BCAS3: variants seen among roughly 807,000 people sequenced by gnomAD.
BCAS3 encodes the protein BCAS4/BCAS3 fusion.
In BCAS3, 53 loss-of-function variants were observed where a neutral mutation model predicts 116.1. The observed-to-expected ratio is 0.46, with a 90% confidence interval of 0.37 to 0.57. BCAS3 has a LOEUF of 0.57. BCAS3 is among the 20% of genes least tolerant of loss of function. The probability of loss-of-function intolerance (pLI) is 0.00; values close to 1 mark genes in which losing one functional copy is unlikely to be tolerated. For synonymous variants in BCAS3, 391 were observed against 408.2 expected (o/e 0.96, Z 0.51); for missense variants, 917 against 1,165.4 (o/e 0.79, Z 3.10).
chr17:61,018,529 T>A (rs2065643839), intron 16 of BCAS3, among the ~76,000 whole-genome samples: 3 of 152,078 alleles, frequency 2.0e-5, no homozygotes, highest in African/African-American at 7.2e-5. Flanking sequence ...CTTGAATTCC[T>A]GACCTCAAGT....
rs1173944253 is a variant in BCAS3 at position 61,325,665 on chromosome 17, G to A, written c.2426-42662G>A. On this transcript the variant is annotated intron_variant, in intron 22 of 23. Coordinates refer to ENST00000407086, the MANE Select transcript of BCAS3 (RefSeq NM_017679.5). This position sits in a 1 kb window ranked among gnomAD's most constrained non-coding sequence, Gnocchi z 6.4. ...TAAAATCTTAAAGTGACAGGGCCCC[G>A]TTTTCAAAGAATAACTGGCTGGCTT... Among the ~76,000 whole-genome samples the A allele has an allele frequency of 6.6e-6, 1 of 152,238 alleles. No homozygotes were observed. Among genetic ancestry groups the A allele is most frequent in the Non-Finnish European group, 1.5e-5 (1 of 68,046 alleles).
intron 19 of BCAS3, among the ~76,000 whole-genome samples, chr17:61,058,826 C>T (rs997201434): frequency 1.3e-5 from 2 of 152,062 alleles, no homozygotes; most frequent in Admixed American, 1.3e-4. Flanking sequence ...GACTCTCAAT[C>T]AATGATATAA....
intron 22 of BCAS3, among the ~76,000 whole-genome samples, chr17:61,230,434 T>G (rs2082609776): frequency 6.6e-6 from 1 of 151,978 alleles, no homozygotes; most frequent in East Asian, 1.9e-4. Context: ...CAATAGGTAG[T>G]TTTTCAACCC....
At chr17:61,273,826 T>C (rs2050523893) in intron 22 of BCAS3, among the ~76,000 whole-genome samples, 1 of 151,608 alleles carries the variant, frequency 6.6e-6, no homozygotes, top group Non-Finnish European at 1.5e-5. Flanking sequence ...TAGTGTTTAA[T>C]CTTTTGTCAA....
intron 22 of BCAS3, among the ~76,000 whole-genome samples, chr17:61,225,334 A>C (rs2082317823): frequency 6.6e-6 from 1 of 152,096 alleles, no homozygotes; most frequent in Non-Finnish European, 1.5e-5. Context: ...ATCTAATTCC[A>C]ATTGCTTCTG....
intron 7 of BCAS3, among the ~76,000 whole-genome samples, chr17:60,816,858 C>T (rs904261032): frequency 6.6e-5 from 10 of 152,004 alleles, no homozygotes; most frequent in Non-Finnish European, 1.2e-4. Flanking sequence ...GGAGTTATGC[C>T]GGTTCGTTTC....
intron 22 of BCAS3, among the ~76,000 whole-genome samples, chr17:61,207,421 G>T (rs895644880): frequency 7.2e-5 from 11 of 152,106 alleles, no homozygotes; most frequent in African/African-American, 2.7e-4. Context: ...AGGAAACTAA[G>T]TTCAAGAAAG....
chr17:60,693,544 A>C (rs945663650), intron 4 of BCAS3, among the ~76,000 whole-genome samples: 2 of 151,076 alleles, frequency 1.3e-5, no homozygotes, highest in Non-Finnish European at 2.9e-5. Context: ...CCTCCTTAGT[A>C]GCTTGGACCA....
At position 61,026,928 on chromosome 17, in the gene BCAS3, C is replaced by T. The variant is rs542276681; in HGVS notation, c.1638-7738C>T. The T allele has an allele frequency of 6.3e-7, 1 of 1,594,370 alleles. No individual in the cohort carries two copies. The highest frequency in any genetic ancestry group is 1.7e-5 in the Admixed American group (1 of 57,982). Reference sequence around the variant, plus strand: ...GCCCCATGGTGAGTTCCAGTTCAGTCCCGCATGCCTCATTCATTTGCTGTA... The same window carrying T: ...GCCCCATGGTGAGTTCCAGTTCAGTTCCGCATGCCTCATTCATTTGCTGTA... On this transcript the variant is annotated intron_variant, in intron 16 of 23. Coordinates refer to ENST00000407086, the MANE Select transcript of BCAS3 (RefSeq NM_017679.5). The surrounding 1 kb of genome is among the most constrained non-coding windows in gnomAD (Gnocchi z 5.0).
chr17:61,251,965 AAAGAG>A lies in BCAS3; in HGVS notation c.2426-116360_2426-116356del, dbSNP rs1312710035. On this transcript the variant is annotated intron_variant, in intron 22 of 23. Transcript: ENST00000407086. The surrounding 1 kb of genome is among the most constrained non-coding windows in gnomAD (Gnocchi z 4.7). ...TTACACGGGTGGCAGTTTAGAAGAA[AAAGAG>A]AGAAAAGGATAAAGAAAAAAACTAA... Among the ~76,000 whole-genome samples, 4 of 151,858 alleles carry A rather than the reference AAAGAG, an allele frequency of 2.6e-5. No individual in the cohort carries two copies. The highest frequency in any genetic ancestry group is 2.0e-4 in the Admixed American group (3 of 15,240).
chr17:61,209,514 T>C (rs1389208248), intron 22 of BCAS3, among the ~76,000 whole-genome samples: 1 of 152,212 alleles, frequency 6.6e-6, no homozygotes, highest in Non-Finnish European at 1.5e-5. Flanking sequence ...ATTTGGAATT[T>C]CAGTGCAGTG....
At chr17:61,137,251 G>A (rs533060231) in intron 22 of BCAS3, among the ~76,000 whole-genome samples, 2 of 152,220 alleles carry the variant, frequency 1.3e-5, no homozygotes, top group East Asian at 3.9e-4. Flanking sequence ...GCTTAAAATC[G>A]AGGTAACTAG....
chr17:61,304,420 G>C (rs1359398737), intron 22 of BCAS3, among the ~76,000 whole-genome samples: 1 of 152,202 alleles, frequency 6.6e-6, no homozygotes, highest in Non-Finnish European at 1.5e-5. Flanking sequence ...TTATGTTCCA[G>C]TGCCACCAGA....
At chr17:61,271,424 A>AGTTTTTTTTTTTTTTTTT (rs2050245054) in intron 22 of BCAS3, among the ~76,000 whole-genome samples, 3 of 70,224 alleles carry the variant, frequency 4.3e-5, no homozygotes, top group South Asian at 7.1e-4. Context: ...CCATGCCCGG[A>AGTTTTTTTTTTTTTTTTT]TTTTTTTTTT....
chr17:60,801,672 A>T (rs1381044493), intron 6 of BCAS3, among the ~76,000 whole-genome samples: 1 of 152,206 alleles, frequency 6.6e-6, no homozygotes, highest in African/African-American at 2.4e-5. Flanking sequence ...TCCCGATCCT[A>T]TAACAATCTG....
chr17:60,683,709 G>C (rs1346252319), intron 2 of BCAS3, among the ~76,000 whole-genome samples: 1 of 151,540 alleles, frequency 6.6e-6, no homozygotes, highest in Non-Finnish European at 1.5e-5. Flanking sequence ...GCGCATGTCT[G>C]TAGTCCCAGC....
chr17:60,860,577 G>A (rs2054070393), intron 7 of BCAS3, among the ~76,000 whole-genome samples: 1 of 152,112 alleles, frequency 6.6e-6, no homozygotes, highest in African/African-American at 2.4e-5. Flanking sequence ...AATGGTATTT[G>A]CTAGGTTTTT....
chr17:61,335,310 G>A (rs1023775600), intron 22 of BCAS3, among the ~76,000 whole-genome samples: 5 of 152,176 alleles, frequency 3.3e-5, no homozygotes, highest in African/African-American at 4.8e-5. Context: ...GGGCACACTC[G>A]CAATGTGTCT....
At chr17:60,871,384 G>T (rs951806796) in intron 8 of BCAS3, among the ~76,000 whole-genome samples, 4 of 152,098 alleles carry the variant, frequency 2.6e-5, no homozygotes, top group Non-Finnish European at 4.4e-5. Context: ...TGTCCAGGCT[G>T]GTCTAGAACT....
Sources: allele counts gnomAD v4.1 joint callset (sites outside exome capture counted in the v4.1 genomes callset), GRCh38; gene constraint gnomAD v4.1.1; non-coding constraint Gnocchi (gnomAD v3.1); transcripts MANE v1.5; gene names NCBI Gene and HGNC (gene_info 2026-07-23, HGNC 2026-07-21).